TOR2A: variants seen among roughly 807,000 people sequenced by gnomAD.
TOR2A encodes torsin family 2 member A.
Under a neutral mutation model 28.6 loss-of-function variants are expected in TOR2A, and 24 were observed. That is an observed-to-expected ratio of 0.84 (90% CI 0.61 to 1.18). The LOEUF is 1.18. TOR2A is among the 50% of genes most tolerant of loss of function. The pLI, the probability that TOR2A is intolerant of heterozygous loss-of-function variation, is 0.00. For synonymous variants in TOR2A, 203 were observed against 203.1 expected (o/e 1.00, Z 0.00); for missense variants, 426 against 448.1 (o/e 0.95, Z 0.45).
In TOR2A at chr9:127,732,678, T is replaced by C. The variant is rs538066; in HGVS notation, c.607A>G (p.Lys203Glu). The change falls in exon 4 of 5, where the codon AAG becomes GAG. Residue 203 changes from lysine (K) to glutamate (E), a missense_variant. Transcript: ENST00000373284. ...IFIFISNTGG[K>E]QINQVALEAW... ...TCCAATGCCACCTGGTTGATCTGCT[T>C]GCCACCCGTGTTGCTAAAACCATGG... 1,544,590 of 1,565,254 alleles carry C rather than the reference T, an allele frequency of 0.99. 762,125 individuals carry two copies. Among genetic ancestry groups the C allele is most frequent in the East Asian group, 1 (42,246 of 42,248 alleles).
Position 127,733,411 on chromosome 9 carries a change from G to A in TOR2A, c.567C>T (p.Tyr189=). The change falls in exon 3 of 5, where the codon TAC becomes TAT. Residue 189 remains tyrosine (Y), a synonymous_variant. Transcript: ENST00000373284. ...TGATGAAGATGAAGATGGCTTTGCG[G>A]TAATTGGTCCCGTATACCACCCAGG... ...GSSWVVYGTN[Y]RKAIFIFISN... is the part of the protein sequence containing the mutation. 6.2e-7 allele frequency: 1 copy of A among 1,613,874 alleles called. No homozygotes were observed. The highest frequency in any genetic ancestry group is 1.1e-5 in the South Asian group (1 of 91,084).
chr9:127,733,617 CCT>C (rs773566780), intron 2 of TOR2A, 57 bp from the exon 3 acceptor site: 27 of 1,475,560 alleles, frequency 1.8e-5, no homozygotes, highest in Non-Finnish European at 2.4e-5. Flanking sequence ...CAACACCAGA[CCT>C]CTTCCCAAAC....
Position 127,735,042 on chromosome 9 carries a change from C to CGGGCTCCCA in TOR2A, c.151+69_151+77dup, listed in dbSNP as rs1373175446. The CGGGCTCCCA allele has an allele frequency of 1.0e-4, 136 of 1,361,410 alleles. 1 individual carries two copies. In the East Asian group the frequency reaches 3.4e-3, roughly 34 times the overall value. The allele number at this position is 1,361,410 out of a possible 1,614,324, so 84.3% of individuals were successfully genotyped here. On this transcript the variant is annotated intron_variant, in intron 1 of 4. Coordinates refer to ENST00000373284, the MANE Select transcript of TOR2A (RefSeq NM_001085347.3). ...CTCAGCTTCTCTGGCCGGCGCCAGC[C>CGGGCTCCCA]GGGCTCCCAGGGCTCCCAGCGCTCC...
At position 127,731,967 on chromosome 9, in the gene TOR2A, GAC is replaced by G. The variant is rs1195890788; in HGVS notation, c.*65_*66del. ...CTCACTTGGTGCTCTGGGTTCCTGT[GAC>G]AGAGGCCCCTGGCCTTTCCTGCATG... On this transcript the variant is annotated 3_prime_UTR_variant, in exon 5 of 5. Coordinates refer to ENST00000373284, the MANE Select transcript of TOR2A (RefSeq NM_001085347.3). The G allele has an allele frequency of 1.2e-5, 18 of 1,544,124 alleles. No individual in the cohort carries two copies. The highest frequency in any genetic ancestry group is 4.0e-5 in the Admixed American group (2 of 49,790).
intron 1 of TOR2A, 39 bp downstream of exon 1, chr9:127,735,081 G>C: frequency 7.1e-7 from 1 of 1,404,928 alleles, no homozygotes; most frequent in African/African-American, 1.5e-5. Context: ...GTCTGCCCGC[G>C]TCCGCCCGCC....
intron 1 of TOR2A, 66 bp downstream of exon 1, chr9:127,735,054 G>T (rs992056732): frequency 7.3e-7 from 1 of 1,369,826 alleles, no homozygotes. Context: ...GGCTCCCAGG[G>T]CTCCCAGCGC....
rs955735153 is a variant in TOR2A at position 127,735,210 on chromosome 9, C to CCAGCCCGAG, written c.52_60dup (p.Leu18_Leu20dup). 5 of 1,477,598 alleles carry CCAGCCCGAG rather than the reference C, an allele frequency of 3.4e-6. No individual in the cohort carries two copies. The highest frequency in any genetic ancestry group is 4.5e-6 in the Non-Finnish European group (5 of 1,122,576). The allele number at this position is 1,477,598 out of a possible 1,614,324, so 91.5% of individuals were successfully genotyped here. ...TCCCAGGCGGCGGCCGCGGCCGAGA[C>CCAGCCCGAG]CAGCCCGAGCAGCCCGAGGAGCGAG... On this transcript the variant is annotated inframe_insertion, in exon 1 of 5. Transcript: ENST00000373284.
At chr9:127,733,784 CT>C (rs759191727) in intron 2 of TOR2A, 304 of 575,346 alleles carry the variant, frequency 5.3e-4, no homozygotes, top group Non-Finnish European at 8.1e-4. Context: ...AAGCCTCCCA[CT>C]TCCCTGTTCA....
intron 3 of TOR2A, 140 bp from the exon 4 acceptor site, chr9:127,732,831 CT>C: frequency 1.4e-6 from 2 of 1,445,394 alleles, no homozygotes; most frequent in Non-Finnish European, 1.8e-6. Flanking sequence ...AAACGCTCCA[CT>C]TCCCCCTCCA....
chr9:127,733,746 C>CA, intron 2 of TOR2A, 186 bp from the exon 3 acceptor site: 1 of 621,200 alleles, frequency 1.6e-6, no homozygotes, highest in Non-Finnish European at 2.8e-6. Flanking sequence ...CAAAGTCACA[C>CA]AGCCAGTCAG....
rs772583632 is a variant in TOR2A at position 127,734,430 on chromosome 9, C to A, written c.286G>T (p.Gly96Cys). 1.9e-6 allele frequency: 3 copies of A among 1,612,262 alleles called. No individual in the cohort carries two copies. The highest frequency in any genetic ancestry group is 2.5e-6 in the Non-Finnish European group (3 of 1,179,664). ...PLVLSLHGWTGTGKSYVSSLL... is the reference protein window; with the variant it reads ...PLVLSLHGWTCTGKSYVSSLL... ...GAGCTGACATAGGATTTGCCGGTGCCGGTCCAGCCGTGCAGGGAGAGGACC... is the reference window on the plus strand; with the variant it reads ...GAGCTGACATAGGATTTGCCGGTGCAGGTCCAGCCGTGCAGGGAGAGGACC... The change falls in exon 2 of 5, where the codon GGC (glycine) becomes TGC (cysteine). Residue 96 changes from glycine (G) to cysteine (C), a missense_variant. By Grantham distance (159) the Gly-to-Cys change is radical. Coordinates refer to ENST00000373284, the MANE Select transcript of TOR2A (RefSeq NM_001085347.3).
chr9:127,732,520 G>A (rs767739421), intron 4 of TOR2A, 44 bp downstream of exon 4: 2 of 1,541,564 alleles, frequency 1.3e-6, no homozygotes, highest in African/African-American at 1.4e-5. Flanking sequence ...GCCCCTGGGT[G>A]TGGGGTGAAG....
In TOR2A at chr9:127,732,070, G is replaced by A; in HGVS notation, c.930C>T (p.Cys310=). The A allele has an allele frequency of 6.2e-7, 1 of 1,613,886 alleles. No individual in the cohort carries two copies. Among genetic ancestry groups the A allele is most frequent in the Non-Finnish European group, 8.5e-7 (1 of 1,180,006 alleles). ...AGGCGATTCGGGAGGCCACGGTCTT[G>A]CAGCCGTTGGAGGAGAAGAGCTGCT... The part of the protein sequence containing the change: ...EDEQLFSSNG[C]KTVASRIAFF... The change falls in exon 5 of 5, where the codon TGC becomes TGT. Residue 310 remains cysteine, a synonymous_variant. Coordinates refer to ENST00000373284, the MANE Select transcript of TOR2A (RefSeq NM_001085347.3).
Position 127,735,157 on chromosome 9 carries a change from G to T in TOR2A, c.114C>A (p.Gly38=). Residue 38 remains glycine, a synonymous_variant, in exon 1 of 5, where the codon GGC becomes GGA. Coordinates refer to ENST00000373284, the MANE Select transcript of TOR2A (RefSeq NM_001085347.3). The part of the protein sequence containing the change: ...WDLASLRCTL[G]AFCECDFRPD... The stretch of plus-strand genomic sequence containing the variant: ...GCCGGAAGTCGCATTCGCAAAAGGC[G>T]CCCAAGGTGCAGCGCAGGGAAGCCA... 1.3e-6 allele frequency: 2 copies of T among 1,486,178 alleles called. No homozygotes were observed. Among genetic ancestry groups the T allele is most frequent in the Non-Finnish European group, 1.8e-6 (2 of 1,126,004 alleles). 92.1% of individuals were successfully genotyped at this position (1,486,178 alleles called of 1,614,324 possible).
At position 127,731,840 on chromosome 9, in the gene TOR2A, T is replaced by C; in HGVS notation, c.*194A>G. On this transcript the variant is annotated 3_prime_UTR_variant, in exon 5 of 5. Transcript: ENST00000373284. ...TGAGGTTCTGGGGTGACCAGGGGTT[T>C]CCCTGGGGAAGGTGGCCGGGGCCAA... The C allele has an allele frequency of 8.4e-7, 1 of 1,190,616 alleles. No homozygotes were observed. The highest frequency in any genetic ancestry group is 1.1e-6 in the Non-Finnish European group (1 of 875,032). 73.8% of individuals were successfully genotyped at this position (1,190,616 alleles called of 1,614,324 possible).
chr9:127,733,209 A>C (rs1844535301), intron 3 of TOR2A, 176 bp downstream of exon 3: 10 of 1,598,224 alleles, frequency 6.3e-6, no homozygotes, highest in Non-Finnish European at 8.6e-6. Context: ...GAATGTCCAA[A>C]GGGAAATCAA....
At chr9:127,734,700 C>G in intron 1 of TOR2A, 136 bp from the exon 2 acceptor site, 1 of 1,104,780 alleles carries the variant, frequency 9.1e-7, no homozygotes, top group South Asian at 2.5e-5. Flanking sequence ...GCACGCAAAC[C>G]TTGGGGTCTG....
rs201533193 is a variant in TOR2A at position 127,734,161 on chromosome 9, G to A, written c.417+138C>T. On this transcript the variant is annotated intron_variant, in intron 2 of 4. Transcript: ENST00000373284. ...GTAGAATGACACCTTCCCAAGTTCT[G>A]TGCAGGATGGGTCCTGAGGGCTGGG... 8.2e-4 allele frequency: 970 copies of A among 1,184,784 alleles called. 1 individual carries two copies. Among genetic ancestry groups the A allele is most frequent in the Non-Finnish European group, 1.1e-3 (931 of 873,630 alleles). 73.4% of individuals were successfully genotyped at this position (1,184,784 alleles called of 1,614,324 possible). A position where few individuals can be genotyped will look rare whatever the true frequency, so the allele number is the denominator to read the frequency against.
Position 127,735,272 on chromosome 9 carries a change from C to A in TOR2A, c.-2G>T. On this transcript the variant is annotated 5_prime_UTR_variant, in exon 1 of 5. Transcript: ENST00000373284. ...GCAGCCGCGCGTCGCAGCCGCCATC[C>A]GGGTGAGGCCCGAGCTCGTTGTGGG... 2 of 1,389,106 alleles carry A rather than the reference C, an allele frequency of 1.4e-6. No homozygotes were observed. The highest frequency in any genetic ancestry group is 1.6e-5 in the South Asian group (1 of 62,268). 86.0% of individuals were successfully genotyped at this position (1,389,106 alleles called of 1,614,324 possible).
Sources: gnomAD v4.1 joint callset for allele counts on GRCh38, gnomAD v4.1.1 for gene constraint, MANE v1.5 for transcripts, NCBI Gene and HGNC (gene_info 2026-07-23, HGNC 2026-07-21) for gene names.